DPP10: variants seen among roughly 807,000 people sequenced by gnomAD.
The protein encoded by DPP10 is dipeptidyl peptidase like 10.
DPP10 carries 33 observed loss-of-function variants against 120.9 expected under a neutral mutation model. The ratio of observed to expected loss-of-function variants is 0.27; its 90% CI spans 0.21 to 0.37. The LOEUF is 0.37. DPP10 is among the 10% of genes least tolerant of loss of function. The pLI is 1.00. For missense variants in DPP10, 816 were observed against 942.8 expected (o/e 0.87, Z 1.76); for synonymous variants, 337 against 326.1 (o/e 1.03, Z -0.36).
chr2:115,444,735 T>A (rs910353552), intron 3 of DPP10, among the ~76,000 whole-genome samples: 1 of 152,194 alleles, frequency 6.6e-6, no homozygotes, highest in African/African-American at 2.4e-5. Flanking sequence ...TTACTGCAAG[T>A]ATAGAAGTAA....
chr2:115,295,042 G>A (rs751237687), intron 1 of DPP10, among the ~76,000 whole-genome samples: 2 of 151,994 alleles, frequency 1.3e-5, no homozygotes, highest in African/African-American at 2.4e-5. Flanking sequence ...AATGATTCAC[G>A]CAAAATGAAC....
chr2:115,816,961 T>TA (rs2150044537), intron 21 of DPP10, among the ~76,000 whole-genome samples: 1 of 142,198 alleles, frequency 7.0e-6, no homozygotes, highest in Non-Finnish European at 1.5e-5. Context: ...ATTATAAAGG[T>TA]AAAAAGGCCA....
intron 5 of DPP10, among the ~76,000 whole-genome samples, chr2:115,682,115 G>A (rs1262446676): frequency 1.3e-5 from 2 of 151,924 alleles, no homozygotes; most frequent in Admixed American, 1.3e-4. Flanking sequence ...ATATGCTAGA[G>A]AGAAAACTAG....
intron 1 of DPP10, among the ~76,000 whole-genome samples, chr2:114,958,281 T>C (rs1465087302): frequency 6.6e-6 from 1 of 152,200 alleles, no homozygotes; most frequent in Non-Finnish European, 1.5e-5. Flanking sequence ...CAAGACGCAG[T>C]ATTGTTACAG....
chr2:114,797,530 G>A lies in DPP10; in HGVS notation c.60+354692G>A, dbSNP rs2106264582. Among the ~76,000 whole-genome samples the A allele has an allele frequency of 1.3e-5, 2 of 152,290 alleles. 1 individual carries two copies. Among genetic ancestry groups the A allele is most frequent in the South Asian group, 4.1e-4 (2 of 4,832 alleles). On this transcript the variant is annotated intron_variant, in intron 1 of 25. Transcript: ENST00000410059. ...AAGTAAGGAAGTAGTCAATAAATAA[G>A]TAAATAGGTGAGGATAATAGTATGG...
At chr2:114,893,876 T>G (rs1692749362) in intron 1 of DPP10, among the ~76,000 whole-genome samples, 1 of 152,220 alleles carries the variant, frequency 6.6e-6, no homozygotes, top group Non-Finnish European at 1.5e-5. Flanking sequence ...TTTTCTGCTC[T>G]GTGCAACTTC....
chr2:115,157,500 G>A (rs749278140), intron 1 of DPP10, among the ~76,000 whole-genome samples: 6 of 152,110 alleles, frequency 3.9e-5, no homozygotes, highest in Non-Finnish European at 5.9e-5. Flanking sequence ...GTATACATGA[G>A]TATCACTTAT....
At chr2:114,969,996 C>G (rs377272648) in intron 1 of DPP10, among the ~76,000 whole-genome samples, 1 of 152,096 alleles carries the variant, frequency 6.6e-6, no homozygotes, top group Non-Finnish European at 1.5e-5. Context: ...AATCTACTCT[C>G]AATAGCCAAC....
intron 11 of DPP10, among the ~76,000 whole-genome samples, chr2:115,761,754 TAGAAAA>T (rs1167753972): frequency 6.6e-6 from 1 of 152,116 alleles, no homozygotes; most frequent in Non-Finnish European, 1.5e-5. Context: ...AATATGGATT[TAGAAAA>T]AGAAATTAGT....
intron 1 of DPP10, among the ~76,000 whole-genome samples, chr2:114,762,673 G>A (rs1461668735): frequency 2.0e-5 from 3 of 152,042 alleles, no homozygotes; most frequent in Non-Finnish European, 4.4e-5. Context: ...CAGACAAATC[G>A]AACAATTAAA....
At chr2:115,552,950 G>C (rs1350355281) in intron 5 of DPP10, among the ~76,000 whole-genome samples, 8 of 152,000 alleles carry the variant, frequency 5.3e-5, no homozygotes, top group Non-Finnish European at 1.2e-4. Context: ...AGATTTTGAG[G>C]TCTTAAGTTT....
intron 3 of DPP10, among the ~76,000 whole-genome samples, chr2:115,408,540 G>C (rs2068701377): frequency 6.6e-6 from 1 of 152,098 alleles, no homozygotes; most frequent in Non-Finnish European, 1.5e-5. Flanking sequence ...AGGCATACGT[G>C]TAACACTCTC....
chr2:115,381,189 C>A (rs969607080), intron 3 of DPP10, among the ~76,000 whole-genome samples: 2 of 152,222 alleles, frequency 1.3e-5, no homozygotes, highest in African/African-American at 2.4e-5. Flanking sequence ...TTCACGTACA[C>A]CAATCAGTCG....
chr2:114,939,278 G>C (rs182687496), intron 1 of DPP10, among the ~76,000 whole-genome samples: 2 of 152,040 alleles, frequency 1.3e-5, no homozygotes, highest in East Asian at 1.9e-4. Flanking sequence ...TGAAAGGGGG[G>C]GGTGGTTAGG....
rs149881619 is a variant in DPP10, at chr2:115,525,656, G to C, written c.367-242G>C. On this transcript the variant is annotated intron_variant, in intron 4 of 25. Coordinates refer to ENST00000410059, the MANE Select transcript of DPP10 (RefSeq NM_020868.6). ...AAAAATATTAACATATTCTTTAAGA[G>C]ATAACATATAGAAAGATATATTAGC... is the stretch of plus-strand genomic sequence containing the variant. Among the ~76,000 whole-genome samples, 20 of 152,000 alleles carry C rather than the reference G, an allele frequency of 1.3e-4. No individual in the cohort carries two copies. In the East Asian group the frequency reaches 3.9e-3, roughly 29 times the overall value.
intron 1 of DPP10, among the ~76,000 whole-genome samples, chr2:114,912,056 G>A (rs1052711486): frequency 4.6e-5 from 7 of 152,104 alleles, no homozygotes; most frequent in African/African-American, 1.7e-4. Context: ...GCAATTGATT[G>A]AATAATGATA....
At chr2:115,703,428 C>T (rs929233306) in intron 7 of DPP10, among the ~76,000 whole-genome samples, 3 of 151,964 alleles carry the variant, frequency 2.0e-5, no homozygotes, top group East Asian at 1.9e-4. Flanking sequence ...AGGATTTTAA[C>T]GAATTAACTC....
In DPP10 at chr2:115,598,774, A is replaced by T. The variant is rs187338357; in HGVS notation, c.441+72802A>T. ...TTATGATGAAAGATTCAAGCTTTTC[A>T]TCTGGTATAATTTCCTAGTTTCTCT... is the stretch of plus-strand genomic sequence containing the variant. On this transcript the variant is annotated intron_variant, in intron 5 of 25. Coordinates refer to ENST00000410059, the MANE Select transcript of DPP10 (RefSeq NM_020868.6). Among the ~76,000 whole-genome samples the T allele has an allele frequency of 3.7e-4, 55 of 147,608 alleles. 1 individual carries two copies. Among genetic ancestry groups the T allele is most frequent in the Admixed American group, 1.4e-3 (21 of 14,826 alleles).
At chr2:115,408,786 T>C (rs527851804) in intron 3 of DPP10, among the ~76,000 whole-genome samples, 6 of 152,192 alleles carry the variant, frequency 3.9e-5, no homozygotes, top group African/African-American at 1.2e-4. Context: ...AACACAAAAT[T>C]GAAAAGCTGA....
Sources: allele counts gnomAD v4.1 joint callset (sites outside exome capture counted in the v4.1 genomes callset), GRCh38; gene constraint gnomAD v4.1.1; transcripts MANE v1.5; gene names NCBI Gene and HGNC (gene_info 2026-07-23, HGNC 2026-07-21).